The following UBN1 variants were observed in gnomAD, a reference collection of about 807,000 sequenced individuals.
The protein encoded by UBN1 is ubinuclein-1.
UBN1 carries 17 observed loss-of-function variants against 108.5 expected under a neutral mutation model. That is an observed-to-expected ratio of 0.16 (90% CI 0.11 to 0.24). The LOEUF (loss-of-function observed/expected upper bound fraction) is 0.24. UBN1 is among the 10% of genes least tolerant of loss of function. The pLI is 1.00. For synonymous variants in UBN1, 726 were observed against 564.2 expected (o/e 1.29, Z -4.07); for missense variants, 1,595 against 1,394.4 (o/e 1.14, Z -2.29).
chr16:4,870,907 T>A lies in UBN1; in HGVS notation c.1494T>A (p.Asp498Glu). 2 of 1,613,750 alleles carry A rather than the reference T, an allele frequency of 1.2e-6. No individual in the cohort carries two copies. Among genetic ancestry groups the A allele is most frequent in the Non-Finnish European group, 1.7e-6 (2 of 1,179,948 alleles). Residue 498 changes from aspartate (D) to glutamate (E), a missense_variant, in exon 11 of 18, where the codon GAT (aspartate) becomes GAA (glutamate). Around this residue, in one of 3 missense-constraint regions of UBN1, gnomAD observed 1,398 missense variants for 1,194.7 expected, o/e 1.17. Transcript: ENST00000262376. ...RDRICSDEEE[D>E]EEKGGRRIMG... is the part of the protein sequence containing the mutation. ...GGATTTGTTCGGATGAGGAAGAAGA[T>A]GAAGAAAAAGGGGGCAGGAGGATAA...
intron 15 of UBN1, among the ~76,000 whole-genome samples, chr16:4,876,019 C>T (rs1439105387): frequency 2.0e-5 from 3 of 148,632 alleles, no homozygotes; most frequent in Admixed American, 6.8e-5. Context: ...AGTGCAGTGG[C>T]GCTATCTCGG....
At chr16:4,862,383 A>G (rs532008627) in intron 7 of UBN1, among the ~76,000 whole-genome samples, 51 of 152,336 alleles carry the variant, frequency 3.3e-4, no homozygotes, top group African/African-American at 1.2e-3. Context: ...TGGAAATTCA[A>G]GTATTGTATT....
chr16:4,876,179 C>T (rs1318348601), intron 15 of UBN1, among the ~76,000 whole-genome samples: 2 of 152,016 alleles, frequency 1.3e-5, no homozygotes, highest in Non-Finnish European at 2.9e-5. Flanking sequence ...AGGATAGTCT[C>T]GATCTCCTGA....
chr16:4,875,638 C>G (rs553414741), intron 15 of UBN1, among the ~76,000 whole-genome samples: 111 of 152,284 alleles, frequency 7.3e-4, no homozygotes, highest in Middle Eastern at 6.8e-3. Flanking sequence ...TGGCCTAAAG[C>G]TTCTTCTGAG....
At chr16:4,855,709 A>G (rs546383659) in intron 2 of UBN1, among the ~76,000 whole-genome samples, 9 of 151,928 alleles carry the variant, frequency 5.9e-5, no homozygotes, top group Admixed American at 2.0e-4. Flanking sequence ...ACTTGATGTC[A>G]GGAGTTTGAT....
chr16:4,858,134 C>G, intron 3 of UBN1, 58 bp downstream of exon 3: 1 of 1,134,008 alleles, frequency 8.8e-7, no homozygotes. Context: ...CGTTTCCACA[C>G]TGTATTCCTT....
At chr16:4,859,246 G>A (rs753000308) in intron 5 of UBN1, 87 bp downstream of exon 5, 54 of 1,527,976 alleles carry the variant, frequency 3.5e-5, no homozygotes, top group East Asian at 6.8e-5. Context: ...AATACGTGGC[G>A]CTTGGCCGGC....
chr16:4,853,205 G>C, intron 2 of UBN1, 39 bp downstream of exon 2: 1 of 1,608,252 alleles, frequency 6.2e-7, no homozygotes, highest in Non-Finnish European at 8.5e-7. Flanking sequence ...CAGGTTTAAC[G>C]CACAGGGGTC....
intron 12 of UBN1, 113 bp downstream of exon 12, chr16:4,871,414 C>T: frequency 1.4e-6 from 2 of 1,439,286 alleles, no homozygotes; most frequent in Non-Finnish European, 9.3e-7. Flanking sequence ...CTAGCTGCCT[C>T]AACTCTGATC....
rs945235377 is a variant in UBN1, at chr16:4,847,514, G to C, written c.-736G>C. 7.8e-6 allele frequency: 4 copies of C among 515,056 alleles called. No homozygotes were observed. In the South Asian group the frequency reaches 1.0e-4, roughly 13 times the overall value. The allele number at this position is 515,056 out of a possible 1,614,324, so 31.9% of individuals were successfully genotyped here. On this transcript the variant is annotated 5_prime_UTR_variant, in exon 1 of 18. Transcript: ENST00000262376. The stretch of plus-strand genomic sequence containing the variant: ...CCCCCTCCCTTCGGCTCGTGACAAC[G>C]AAGCGCCCGCGGTCTGAGGCGGCGG...
chr16:4,873,004 C>G, intron 13 of UBN1, 27 bp from the exon 14 acceptor site: 1 of 1,614,196 alleles, frequency 6.2e-7, no homozygotes, highest in Non-Finnish European at 8.5e-7. Context: ...ATTCTCTAAA[C>G]TTTTCTGTGC....
intron 7 of UBN1, among the ~76,000 whole-genome samples, chr16:4,862,435 G>A (rs1049740312): frequency 1.3e-5 from 2 of 152,176 alleles, no homozygotes; most frequent in African/African-American, 2.4e-5. Context: ...GTTGGGGTTT[G>A]GAGTATCTCT....
Position 4,877,089 on chromosome 16 carries a change from C to T in UBN1, c.3243C>T (p.Ser1081=). The change falls in exon 16 of 18, where the codon TCC becomes TCT. Residue 1081 remains serine (S), a synonymous_variant. Coordinates refer to ENST00000262376, the MANE Select transcript of UBN1 (RefSeq NM_001079514.3). This position sits in a 1 kb window ranked among gnomAD's most constrained non-coding sequence, Gnocchi z 4.3. ...DAIVTGPAPG[S]FHHGLGHSLL... Reference sequence around the variant, plus strand: ...TCGTCACAGGCCCTGCCCCCGGGTCCTTCCACCATGGCCTTGGCCACAGTA... The same window carrying T: ...TCGTCACAGGCCCTGCCCCCGGGTCTTTCCACCATGGCCTTGGCCACAGTA... The T allele has an allele frequency of 6.2e-7, 1 of 1,612,568 alleles. No homozygotes were observed. Among genetic ancestry groups the T allele is most frequent in the Non-Finnish European group, 8.5e-7 (1 of 1,179,238 alleles).
At position 4,875,134 on chromosome 16, in the gene UBN1, C is replaced by G; in HGVS notation, c.2724C>G (p.Ile908Met). 1.2e-6 allele frequency: 2 copies of G among 1,614,252 alleles called. No homozygotes were observed. Among genetic ancestry groups the G allele is most frequent in the Admixed American group, 3.3e-5 (2 of 60,034 alleles). ...AGAATAATCCCTTTGCCAGCTCAAT[C>G]TCCAAACATGGGGTTTCTTCTGGCA... ...SYKNNPFASS[I>M]SKHGVSSGSS... The change falls in exon 15 of 18, where the codon ATC becomes ATG. Residue 908 changes from isoleucine (I) to methionine (M), a missense_variant. Ile to Met is a conservative substitution (Grantham distance 10). Transcript: ENST00000262376.
At chr16:4,863,267 C>T (rs1194168526) in intron 7 of UBN1, among the ~76,000 whole-genome samples, 1 of 152,130 alleles carries the variant, frequency 6.6e-6, no homozygotes, top group African/African-American at 2.4e-5. Flanking sequence ...TAAAAAGATG[C>T]TTAATGCTAC....
At chr16:4,865,877 ACTTGAAC>A (rs1438495628) in intron 7 of UBN1, among the ~76,000 whole-genome samples, 1 of 152,040 alleles carries the variant, frequency 6.6e-6, no homozygotes, top group Non-Finnish European at 1.5e-5. Flanking sequence ...CAGGAGAATC[ACTTGAAC>A]CCGGGAGGTG....
At chr16:4,879,980 CT>C (rs2088030227) in intron 17 of UBN1, 102 bp from the exon 18 acceptor site, 6 of 1,270,350 alleles carry the variant, frequency 4.7e-6, no homozygotes, top group Non-Finnish European at 6.9e-6. Flanking sequence ...CATTTGGGGA[CT>C]TTTGCTATTT....
intron 7 of UBN1, 106 bp downstream of exon 7, chr16:4,861,208 C>A: frequency 7.8e-7 from 1 of 1,278,532 alleles, no homozygotes; most frequent in Non-Finnish European, 1.1e-6. Flanking sequence ...AGTGAGTTGG[C>A]AGTTAAGGTG....
intron 1 of UBN1, among the ~76,000 whole-genome samples, chr16:4,849,407 G>T (rs193044445): frequency 0.018 from 2,801 of 152,188 alleles, 35 homozygotes; most frequent in Non-Finnish European, 0.028. Context: ...CTCATTATAA[G>T]TTGGAATGCA....
Sources: gnomAD v4.1 joint callset for allele counts (sites outside exome capture counted in the v4.1 genomes callset) on GRCh38, gnomAD v4.1.1 for gene constraint, gnomAD v4.1.1 regional missense constraint, Gnocchi (gnomAD v3.1) non-coding constraint, MANE v1.5 for transcripts, NCBI Gene and HGNC (gene_info 2026-07-23, HGNC 2026-07-21) for gene names.